Variants in NT5DC4 observed in about 807,000 individuals in gnomAD.
The protein encoded by NT5DC4 is 5'-nucleotidase domain-containing protein 4.
NT5DC4 carries 44 observed loss-of-function variants against 26.6 expected under a neutral mutation model. The observed-to-expected ratio is 1.65, with a 90% CI of 1.30 to 2.13. The LOEUF is 2.13. Ranked by LOEUF, NT5DC4 falls within the 30% of genes most tolerant of loss-of-function variation. The pLI, the probability that NT5DC4 is intolerant of heterozygous loss-of-function variation, is 0.00. For synonymous variants in NT5DC4, 157 were observed against 86.7 expected (o/e 1.81, Z -4.51); for missense variants, 399 against 228.1 (o/e 1.75, Z -4.83).
At chr2:112,728,556 T>G (rs1172969358) in intron 15 of NT5DC4, among the ~76,000 whole-genome samples, 1 of 152,184 alleles carries the variant, frequency 6.6e-6, no homozygotes, top group African/African-American at 2.4e-5. Context: ...GACGTAGAGC[T>G]TGCAGTTTAG....
intron 16 of NT5DC4, chr2:112,731,226 T>C (rs1047917796): frequency 1.3e-5 from 2 of 151,832 alleles, no homozygotes; most frequent in Non-Finnish European, 2.9e-5. Context: ...GCAACTGTAT[T>C]GAAATCTCCT....
intron 10 of NT5DC4, 143 bp from the exon 11 acceptor site, chr2:112,724,638 A>G (rs1677443062): frequency 1.6e-6 from 1 of 620,060 alleles, no homozygotes; most frequent in African/African-American, 1.8e-5. Flanking sequence ...GAAGCTGGGC[A>G]GCGAGACCGG....
At chr2:112,727,808 C>G (rs1312138187) in intron 15 of NT5DC4, among the ~76,000 whole-genome samples, 1 of 151,964 alleles carries the variant, frequency 6.6e-6, no homozygotes, top group East Asian at 1.9e-4. Flanking sequence ...GAGGGTCACC[C>G]AGGAGCTGGA....
At chr2:112,723,583 CTGGGGATCTTTCTA>C in intron 8 of NT5DC4, 115 bp downstream of exon 8, 2 of 683,578 alleles carry the variant, frequency 2.9e-6, no homozygotes, top group South Asian at 3.3e-5. Flanking sequence ...CCCCGGATGG[CTGGGGATCTTTCTA>C]TGGGGCCTGG....
At chr2:112,742,542 C>G (rs1332751428), downstream of NT5DC4, 1 of 709,648 alleles carries the variant, frequency 1.4e-6, no homozygotes. Context: ...TGTAATAATA[C>G]AAATAAGTCA....
upstream of NT5DC4, among the ~76,000 whole-genome samples, chr2:112,719,993 TTTTC>T (rs1574220473): frequency 1.5e-4 from 16 of 105,866 alleles, no homozygotes; most frequent in South Asian, 6.2e-4. Flanking sequence ...TTTCTTTTTC[TTTTC>T]TTTTCTTTTC....
intron 16 of NT5DC4, chr2:112,737,712 G>C (rs1679405265): frequency 6.6e-6 from 1 of 152,054 alleles, no homozygotes; most frequent in Non-Finnish European, 1.5e-5. Flanking sequence ...CTAGTTCCTG[G>C]ATGAGGCTGA....
upstream of NT5DC4, among the ~76,000 whole-genome samples, chr2:112,720,502 A>T (rs563899147): frequency 6.6e-6 from 1 of 152,128 alleles, no homozygotes; most frequent in Non-Finnish European, 1.5e-5. Flanking sequence ...AGAACTCTAC[A>T]CTAAATGGCC....
intron 15 of NT5DC4, among the ~76,000 whole-genome samples, chr2:112,727,530 C>T (rs1677900866): frequency 6.6e-6 from 1 of 152,082 alleles, no homozygotes; most frequent in Non-Finnish European, 1.5e-5. Context: ...TGGGTTTAGT[C>T]CTGGGTGGTC....
At chr2:112,727,180 C>A (rs1173750640) in intron 15 of NT5DC4, 2 of 216,214 alleles carry the variant, frequency 9.3e-6, no homozygotes, top group Admixed American at 1.0e-4. Flanking sequence ...CATGGGTCAG[C>A]CAGGTGGAGG....
chr2:112,735,490 CT>C (rs781549203), intron 16 of NT5DC4, among the ~76,000 whole-genome samples: 2 of 119,106 alleles, frequency 1.7e-5, no homozygotes, highest in African/African-American at 5.1e-5. Flanking sequence ...CCTCCCCCCC[CT>C]TTTTTTCTTT....
At chr2:112,734,574 CCAGGG>C (rs1678860548) in intron 16 of NT5DC4, among the ~76,000 whole-genome samples, 1 of 152,194 alleles carries the variant, frequency 6.6e-6, no homozygotes, top group South Asian at 2.1e-4. Context: ...ATGCCACTGG[CCAGGG>C]AGATGCCAAG....
rs58616713 is a variant in NT5DC4 at position 112,725,234 on chromosome 2, T to C, written c.976T>C (p.Ser326Pro). ...TGPHQHCAVY[S>P]GGSSDMVCEL... ...GCCCCACCAGCACTGTGCTGTCTAC[T>C]CTGGAGGTACCAGCTCCCACCATGC... Residue 326 changes from serine (S) to proline (P), a missense_variant, in exon 12 of 17, where the codon TCT becomes CCT. Physicochemically the swap from Ser to Pro is moderately conservative, Grantham distance 74. Coordinates refer to ENST00000688554, the MANE Select transcript of NT5DC4 (RefSeq NM_001393655.1). 3,101 of 711,546 alleles carry C rather than the reference T, an allele frequency of 4.4e-3. 67 individuals carry two copies. The African/African-American group carries it at 0.049, about 11-fold the overall frequency. The allele number at this position is 711,546 out of a possible 1,614,324, so 44.1% of individuals were successfully genotyped here.
downstream of NT5DC4, chr2:112,740,724 C>T: frequency 2.0e-6 from 2 of 981,392 alleles, no homozygotes; most frequent in South Asian, 3.2e-5. Flanking sequence ...CACTGCAGGT[C>T]AGGTCTCAGT....
intron 15 of NT5DC4, among the ~76,000 whole-genome samples, chr2:112,729,222 A>G (rs749667116): frequency 3.3e-5 from 5 of 152,102 alleles, no homozygotes; most frequent in Admixed American, 6.5e-5. Context: ...TCCCGGGTTC[A>G]AGCAATTCTT....
At chr2:112,733,344 T>G (rs1678703358) in intron 16 of NT5DC4, among the ~76,000 whole-genome samples, 1 of 147,882 alleles carries the variant, frequency 6.8e-6, no homozygotes, top group Non-Finnish European at 1.5e-5. Flanking sequence ...CAAGACTGTG[T>G]GCAGACACTG....
chr2:112,727,037 T>C, intron 15 of NT5DC4: 1 of 470,154 alleles, frequency 2.1e-6, no homozygotes, highest in Non-Finnish European at 3.9e-6. Context: ...AGCTGGGCCC[T>C]TATTGACTGA....
chr2:112,740,327 T>C (rs183301665), downstream of NT5DC4, among the ~76,000 whole-genome samples: 41 of 152,148 alleles, frequency 2.7e-4, no homozygotes, highest in African/African-American at 9.2e-4. Flanking sequence ...CAGAGAAGAG[T>C]GGTGCTACAC....
At chr2:112,727,786 C>T (rs1677936637) in intron 15 of NT5DC4, among the ~76,000 whole-genome samples, 1 of 138,800 alleles carries the variant, frequency 7.2e-6, no homozygotes, top group Admixed American at 7.5e-5. Context: ...CAGTGTGTTG[C>T]CCCTCTGGCC....
Sources: allele counts gnomAD v4.1 joint callset (sites outside exome capture counted in the v4.1 genomes callset), GRCh38; gene constraint gnomAD v4.1.1; transcripts MANE v1.5; gene names NCBI Gene and HGNC (gene_info 2026-07-23, HGNC 2026-07-21).